RORB: variants seen among roughly 807,000 people sequenced by gnomAD.
RORB encodes the protein RAR related orphan receptor B.
RORB carries 6 observed loss-of-function variants against 59.1 expected under a neutral mutation model. The observed-to-expected ratio is 0.10, with a 90% CI of 0.06 to 0.20. The LOEUF (loss-of-function observed/expected upper bound fraction) is 0.20, where lower values mean the gene tolerates loss of function less well. Ranked by LOEUF, RORB falls within the 10% of genes least tolerant of loss-of-function variation. The pLI is 1.00. For synonymous variants in RORB, 215 were observed against 204.5 expected, an observed-to-expected ratio of 1.05 and a Z score of -0.44; for missense variants, 320 against 560.5, an observed-to-expected ratio of 0.57 and a Z score of 4.33.
intron 1 of RORB, among the ~76,000 whole-genome samples, chr9:74,537,521 G>A (rs1236650326): frequency 1.3e-5 from 2 of 151,718 alleles, no homozygotes; most frequent in African/African-American, 4.8e-5. Flanking sequence ...ACAGGTGTTT[G>A]TTTTCTTAAA....
intron 1 of RORB, among the ~76,000 whole-genome samples, chr9:74,586,114 G>C (rs563597762): frequency 3.1e-4 from 47 of 152,174 alleles, no homozygotes; most frequent in African/African-American, 9.9e-4. Context: ...TATTTAAAGA[G>C]CATAAGATAC....
intron 1 of RORB, among the ~76,000 whole-genome samples, chr9:74,550,648 A>G (rs924893247): frequency 1.3e-5 from 2 of 152,192 alleles, no homozygotes; most frequent in Non-Finnish European, 2.9e-5. Flanking sequence ...GTCACTTAAA[A>G]CCATTTTCTC....
At chr9:74,630,900 C>T (rs555887137) in intron 2 of RORB, among the ~76,000 whole-genome samples, 3 of 151,976 alleles carry the variant, frequency 2.0e-5, no homozygotes, top group African/African-American at 4.8e-5. Context: ...AACTCTAAAT[C>T]GACTAAAATT....
chr9:74,647,401 CAATT>C (rs1823917369), intron 4 of RORB, among the ~76,000 whole-genome samples: 1 of 152,146 alleles, frequency 6.6e-6, no homozygotes. Flanking sequence ...GACAACAAGA[CAATT>C]GAAACAGCCA....
intron 1 of RORB, among the ~76,000 whole-genome samples, chr9:74,612,885 C>A (rs1293033067): frequency 6.6e-6 from 1 of 152,126 alleles, no homozygotes; most frequent in Non-Finnish European, 1.5e-5. Context: ...GGTTTTCTTA[C>A]TTATCCTCAT....
rs1563934633 is a variant in RORB, at chr9:74,549,612, GGAAGGAAGGAAGGAAGA to G, written c.7+51630_7+51646del. Among the ~76,000 whole-genome samples, 646 of 100,160 alleles carry G rather than the reference GGAAGGAAGGAAGGAAGA, an allele frequency of 6.4e-3. 23 individuals are homozygous for G. Among genetic ancestry groups the G allele is most frequent in the African/African-American group, 0.014 (365 of 25,538 alleles). 65.7% of individuals were successfully genotyped at this position (100,160 alleles called of 152,430 possible). Reference sequence around the variant, plus strand: ...AGGAAGGAAGGAAGGAAGGAAGAAAGGAAGGAAGGAAGGAAGAAAGGAAAGAAAGAAAGAAAGAGAGA... The same window carrying G: ...AGGAAGGAAGGAAGGAAGGAAGAAAGAAGGAAAGAAAGAAAGAAAGAGAGA... On this transcript the variant is annotated intron_variant, in intron 1 of 9. Transcript: ENST00000376896.
At chr9:74,655,112 A>G (rs1818939318) in intron 4 of RORB, among the ~76,000 whole-genome samples, 1 of 152,234 alleles carries the variant, frequency 6.6e-6, no homozygotes, top group African/African-American at 2.4e-5. Context: ...TAACTATCAA[A>G]GCAGCCCACA....
rs1231692145 is a variant in RORB, at chr9:74,614,905, G to T, written c.8-15377G>T. ...CATTCTTACAAGTGGGAGCACCAGG[G>T]CACACTGGGGAAATGAAGTCACTTT... is the stretch of plus-strand genomic sequence containing the variant. On this transcript the variant is annotated intron_variant, in intron 1 of 9. Coordinates refer to ENST00000376896, the MANE Select transcript of RORB (RefSeq NM_006914.4). Among the ~76,000 whole-genome samples, 4 of 152,130 alleles carry T rather than the reference G, an allele frequency of 2.6e-5. No homozygotes were observed. In the East Asian group the frequency reaches 7.7e-4, roughly 29 times the overall value.
In RORB at chr9:74,634,669, T is replaced by C. The variant is rs749391599; in HGVS notation, c.132T>C (p.Tyr44=). Residue 44 remains tyrosine, a synonymous_variant, in exon 3 of 10, where the codon TAT becomes TAC. Transcript: ENST00000376896. ...FRRSQQNNAS[Y]SCPRQRNCLI... is the part of the protein sequence containing the mutation. ...GGAGCCAGCAGAACAATGCTTCTTA[T>C]TCCTGCCCAAGGCAGAGAAACTGTT... 6.2e-6 allele frequency: 10 copies of C among 1,613,270 alleles called. No individual in the cohort carries two copies. In the African/African-American group the frequency reaches 9.3e-5, roughly 15 times the overall value.
chr9:74,519,228 A>T (rs1457747259), intron 1 of RORB, among the ~76,000 whole-genome samples: 2 of 152,026 alleles, frequency 1.3e-5, no homozygotes, highest in African/African-American at 4.8e-5. Context: ...ATTTCAGATA[A>T]ATATCCTACC....
intron 1 of RORB, among the ~76,000 whole-genome samples, chr9:74,499,516 A>G (rs1051964709): frequency 2.0e-5 from 3 of 152,058 alleles, no homozygotes; most frequent in Non-Finnish European, 2.9e-5. Flanking sequence ...AGAAACAAGG[A>G]CGTCCTGATG....
intron 3 of RORB, among the ~76,000 whole-genome samples, chr9:74,642,039 T>A (rs1214294349): frequency 6.6e-6 from 1 of 152,196 alleles, no homozygotes; most frequent in Non-Finnish European, 1.5e-5. Flanking sequence ...TAGTTATGAG[T>A]GTTGGTTAAC....
intron 1 of RORB, among the ~76,000 whole-genome samples, chr9:74,626,020 C>G (rs1170440764): frequency 2.0e-5 from 3 of 152,208 alleles, no homozygotes; most frequent in Non-Finnish European, 2.9e-5. Context: ...AATCTTAACA[C>G]CTGCTGTTAC....
intron 1 of RORB, among the ~76,000 whole-genome samples, chr9:74,576,935 G>A (rs985431891): frequency 2.6e-5 from 4 of 152,086 alleles, no homozygotes; most frequent in Admixed American, 2.6e-4. Context: ...CACACAGCCT[G>A]TAAGAGGAGA....
intron 9 of RORB, among the ~76,000 whole-genome samples, chr9:74,683,930 C>T (rs1217974487): frequency 6.6e-6 from 1 of 152,116 alleles, no homozygotes; most frequent in Non-Finnish European, 1.5e-5. Flanking sequence ...CCTTGTGGTG[C>T]ATCAAGAATG....
chr9:74,649,466 C>A (rs1232611057), intron 4 of RORB, among the ~76,000 whole-genome samples: 1 of 152,140 alleles, frequency 6.6e-6, no homozygotes. Context: ...AGGACCTCTA[C>A]CATGGTTACA....
intron 1 of RORB, among the ~76,000 whole-genome samples, chr9:74,549,614 AAGGAAGGAAGGAAGAAAGGAAAG>A (rs1826571690): frequency 1.8e-5 from 2 of 109,168 alleles, no homozygotes; most frequent in East Asian, 4.5e-4. Context: ...GGAAGAAAGG[AAGGAAGGAAGGAAGAAAGGAAAG>A]AAAGAAAGAA....
At chr9:74,648,291 A>T (rs906630947) in intron 4 of RORB, among the ~76,000 whole-genome samples, 3 of 152,208 alleles carry the variant, frequency 2.0e-5, no homozygotes, top group African/African-American at 4.8e-5. Context: ...GGGAAAGTAC[A>T]TTGAGATTGG....
intron 1 of RORB, among the ~76,000 whole-genome samples, chr9:74,589,530 A>C: frequency 6.6e-6 from 1 of 152,228 alleles, no homozygotes; most frequent in East Asian, 1.9e-4. Flanking sequence ...ACCAAGACTT[A>C]TCTCATAGGA....
Sources: allele counts gnomAD v4.1 joint callset (sites outside exome capture counted in the v4.1 genomes callset), GRCh38; gene constraint gnomAD v4.1.1; transcripts MANE v1.5; gene names NCBI Gene and HGNC (gene_info 2026-07-23, HGNC 2026-07-21).